MORF4L1: variants seen among roughly 807,000 people sequenced by gnomAD.
MORF4L1 encodes mortality factor 4-like protein 1.
In MORF4L1, 4 loss-of-function variants were observed where a neutral mutation model predicts 52.9. That is an observed-to-expected ratio of 0.08 (90% CI 0.04 to 0.17). The LOEUF is 0.17. MORF4L1 is among the 10% of genes least tolerant of loss of function. The pLI, the probability that MORF4L1 is intolerant of heterozygous loss-of-function variation, is 1.00. For synonymous variants in MORF4L1, 123 were observed against 134.8 expected (o/e 0.91, Z 0.61); for missense variants, 214 against 390.4 (o/e 0.55, Z 3.81).
intron 1 of MORF4L1, among the ~76,000 whole-genome samples, chr15:78,877,045 T>C (rs767026288): frequency 6.7e-6 from 1 of 148,802 alleles, no homozygotes; most frequent in African/African-American, 2.5e-5. Context: ...GTTCAAGCGA[T>C]TCTCATGTCT....
chr15:78,884,538 C>CT (rs2056661018), intron 3 of MORF4L1, among the ~76,000 whole-genome samples: 1 of 150,800 alleles, frequency 6.6e-6, no homozygotes, highest in Non-Finnish European at 1.5e-5. Context: ...ACTCAGGAGG[C>CT]TGAGGCAGGA....
At chr15:78,879,506 C>T (rs910944049) in intron 2 of MORF4L1, among the ~76,000 whole-genome samples, 1 of 152,182 alleles carries the variant, frequency 6.6e-6, no homozygotes, top group Non-Finnish European at 1.5e-5. Context: ...AGGTGTGAGC[C>T]ATTGCCCCTT....
rs192150199 is a variant in MORF4L1 at position 78,891,808 on chromosome 15, A to G, written c.438+236A>G. On this transcript the variant is annotated intron_variant, in intron 7 of 11. Transcript: ENST00000426013. ...TGTGTAAGCTTCATGTTCACCTACA[A>G]GACTATTTCTTTGGTGTTACGTATT... 25 of 484,182 alleles carry G rather than the reference A, an allele frequency of 5.2e-5. No individual in the cohort carries two copies. The East Asian group carries it at 8.0e-4, about 15-fold the overall frequency. 30.0% of individuals were successfully genotyped at this position (484,182 alleles called of 1,614,324 possible). A position where few individuals can be genotyped will look rare whatever the true frequency, so the allele number is the denominator to read the frequency against.
intron 5 of MORF4L1, among the ~76,000 whole-genome samples, chr15:78,889,434 A>G (rs771321589): frequency 2.0e-5 from 3 of 152,192 alleles, no homozygotes; most frequent in Non-Finnish European, 4.4e-5. Context: ...TTTGAATGTC[A>G]TGTTGGCTCA....
At chr15:78,881,462 C>G (rs1406262022) in intron 3 of MORF4L1, among the ~76,000 whole-genome samples, 1 of 150,522 alleles carries the variant, frequency 6.6e-6, no homozygotes, top group African/African-American at 2.5e-5. Flanking sequence ...TCCCAAAGTG[C>G]TGGGATTACA....
intron 6 of MORF4L1, 162 bp downstream of exon 6, chr15:78,891,176 C>T: frequency 1.1e-6 from 1 of 894,374 alleles, no homozygotes; most frequent in African/African-American, 1.7e-5. Context: ...TGGTAGAGAC[C>T]TCTTTTTGCC....
At chr15:78,881,912 A>T (rs764630734) in intron 3 of MORF4L1, among the ~76,000 whole-genome samples, 1 of 151,820 alleles carries the variant, frequency 6.6e-6, no homozygotes, top group Non-Finnish European at 1.5e-5. Context: ...GAAGGAGTTT[A>T]TTTTTCCTGT....
intron 5 of MORF4L1, among the ~76,000 whole-genome samples, chr15:78,890,256 T>TA (rs11454132): frequency 0.26 from 39,305 of 151,826 alleles, 7,361 homozygotes; most frequent in East Asian, 0.64. Context: ...AGTATATAAG[T>TA]GACGTGAGGT....
chr15:78,881,216 G>A (rs114273529), intron 3 of MORF4L1, among the ~76,000 whole-genome samples: 2,921 of 33,010 alleles, frequency 0.088, 159 homozygotes, highest in African/African-American at 0.24. Flanking sequence ...TTTGAGAGAT[G>A]GAGTTTTGCT....
intron 2 of MORF4L1, 79 bp from the exon 3 acceptor site, chr15:78,880,431 AGT>A: frequency 1.0e-6 from 1 of 962,154 alleles, no homozygotes; most frequent in African/African-American, 1.7e-5. Flanking sequence ...GCTTGTGTAG[AGT>A]GTCTTTGAAG....
Position 78,892,124 on chromosome 15 carries a change from C to A in MORF4L1, c.439-88C>A, listed in dbSNP as rs1036909277. The stretch of plus-strand genomic sequence containing the variant: ...ATGCTTGGCTACTTTAAGATTTATC[C>A]CTAGTGCCTCTAAAAGTCAGCTCCC... On this transcript the variant is annotated intron_variant, in intron 7 of 11. Transcript: ENST00000426013. The A allele has an allele frequency of 1.4e-5, 11 of 789,004 alleles. No homozygotes were observed. In the East Asian group the frequency reaches 2.4e-4, roughly 17 times the overall value. The allele number at this position is 789,004 out of a possible 1,614,324, so 48.9% of individuals were successfully genotyped here.
At chr15:78,891,138 A>C in intron 6 of MORF4L1, 124 bp downstream of exon 6, 3 of 1,177,190 alleles carry the variant, frequency 2.5e-6, no homozygotes, top group Non-Finnish European at 3.6e-6. Context: ...TAGGAGTCTC[A>C]CAGCAGTGTT....
intron 5 of MORF4L1, among the ~76,000 whole-genome samples, chr15:78,890,075 C>T (rs1020405074): frequency 2.0e-5 from 3 of 151,958 alleles, no homozygotes; most frequent in Non-Finnish European, 4.4e-5. Flanking sequence ...CAAAAATGAG[C>T]TGGGAGTGGT....
intron 4 of MORF4L1, chr15:78,886,502 A>G (rs1164715788): frequency 1.2e-5 from 4 of 332,262 alleles, no homozygotes; most frequent in Non-Finnish European, 2.2e-5. Context: ...ACTGATAAAA[A>G]TCTTTATTTT....
intron 11 of MORF4L1, among the ~76,000 whole-genome samples, chr15:78,895,913 T>A (rs1190697051): frequency 1.3e-5 from 2 of 151,964 alleles, no homozygotes; most frequent in Non-Finnish European, 2.9e-5. Context: ...TCTTTGGACC[T>A]CAGTTTCTTT....
chr15:78,891,299 T>C, intron 6 of MORF4L1, 185 bp from the exon 7 acceptor site: 1 of 655,884 alleles, frequency 1.5e-6, no homozygotes, highest in African/African-American at 1.8e-5. Context: ...TTGTCTATAC[T>C]AAATGTTCGG....
rs558409794 is a variant in MORF4L1, at chr15:78,882,138, T to G, written c.155+1559T>G. Reference sequence around the variant, plus strand: ...TGCATCCTGACAACTTGTGGGTATTTTTTTCCCAGTTAATGATAATTAAAG... The same window carrying G: ...TGCATCCTGACAACTTGTGGGTATTGTTTTCCCAGTTAATGATAATTAAAG... On this transcript the variant is annotated intron_variant, in intron 3 of 11. Transcript: ENST00000426013. Among the ~76,000 whole-genome samples, 47 of 152,192 alleles carry G rather than the reference T, an allele frequency of 3.1e-4. 1 individual carries two copies. Among genetic ancestry groups the G allele is most frequent in the Non-Finnish European group, 1.3e-4 (9 of 68,028 alleles).
chr15:78,878,162 T>G (rs745320569), intron 1 of MORF4L1, 51 bp from the exon 2 acceptor site: 39 of 1,558,574 alleles, frequency 2.5e-5, no homozygotes, highest in Non-Finnish European at 3.3e-5. Flanking sequence ...GATGTTAATC[T>G]TTTTATATAT....
chr15:78,887,355 A>G lies in MORF4L1; in HGVS notation c.323+6A>G. On this transcript the variant is annotated splice_donor_region_variant and intron_variant, in intron 5 of 11. Transcript: ENST00000426013. Reference sequence around the variant, plus strand: ...CAACAGAAAAATGTTGAAGTGTAAGAAGCTCTTTGTTTTGATTTTGCATAC... The same window carrying G: ...CAACAGAAAAATGTTGAAGTGTAAGGAGCTCTTTGTTTTGATTTTGCATAC... 1.2e-6 allele frequency: 2 copies of G among 1,605,154 alleles called. No homozygotes were observed. The highest frequency in any genetic ancestry group is 1.7e-4 in the Middle Eastern group (1 of 6,026).
Sources: allele counts gnomAD v4.1 joint callset (sites outside exome capture counted in the v4.1 genomes callset), GRCh38; gene constraint gnomAD v4.1.1; transcripts MANE v1.5; gene names NCBI Gene and HGNC (gene_info 2026-07-23, HGNC 2026-07-21).